The following KANK1 variants were observed in gnomAD, a reference collection of about 807,000 sequenced individuals.
The protein encoded by KANK1 is KN motif and ankyrin repeat domains 1, also known as KN motif and ankyrin repeat domain-containing protein 1.
KANK1 carries 109 observed loss-of-function variants against 106.2 expected under a neutral mutation model. That is an observed-to-expected ratio of 1.03 (90% confidence interval 0.88 to 1.20). The LOEUF (loss-of-function observed/expected upper bound fraction) is 1.20. KANK1 is among the 50% of genes most tolerant of loss of function. KANK1 has a pLI of 0.00. For synonymous variants in KANK1, 873 were observed against 652.2 expected (o/e 1.34, Z -5.16); for missense variants, 2,399 against 1,710.7 (o/e 1.40, Z -7.10).
intron 1 of KANK1, among the ~76,000 whole-genome samples, chr9:563,503 T>C (rs1817020690): frequency 6.6e-6 from 1 of 152,206 alleles, no homozygotes; most frequent in Non-Finnish European, 1.5e-5. Flanking sequence ...TAACTGAAAA[T>C]ATAAGGCTAT....
chr9:510,477 T>C (rs2058981960), intron 1 of KANK1, among the ~76,000 whole-genome samples: 1 of 152,184 alleles, frequency 6.6e-6, no homozygotes, highest in South Asian at 2.1e-4. Flanking sequence ...AAGTCTTTCT[T>C]GTCTAGATGA....
At chr9:653,015 G>T (rs78459406) in intron 1 of KANK1, among the ~76,000 whole-genome samples, 1 of 152,180 alleles carries the variant, frequency 6.6e-6, no homozygotes, top group Non-Finnish European at 1.5e-5. Context: ...AGCTTTCTGC[G>T]CACAGCTGGG....
At chr9:729,903 G>C (rs1831736484) in intron 3 of KANK1, 148 bp from the exon 4 acceptor site, 1 of 664,644 alleles carries the variant, frequency 1.5e-6, no homozygotes, top group African/African-American at 1.8e-5. Context: ...ATGAAATCAG[G>C]AAAGCTGGAG....
Position 712,016 on chromosome 9 carries a change from G to A in KANK1, c.1250G>A (p.Arg417Lys), listed in dbSNP as rs980999444. The change falls in exon 3 of 12, where the codon AGA becomes AAA. Residue 417 changes from arginine to lysine, a missense_variant. By Grantham distance (26) the Arg-to-Lys change is conservative. Coordinates refer to ENST00000382297, the MANE Select transcript of KANK1 (RefSeq NM_015158.5). ...ATGAACGACATCGTCGTGTACCACA[G>A]AGGCTCCAGGTCCTGTAAGGATGCA... ...ENMNDIVVYH[R>K]GSRSCKDAAV... 3.7e-6 allele frequency: 6 copies of A among 1,614,140 alleles called. No individual in the cohort carries two copies. Among genetic ancestry groups the A allele is most frequent in the Non-Finnish European group, 5.1e-6 (6 of 1,180,040 alleles).
chr9:474,256 G>A (rs1369242890), intron 3 of KANK1, among the ~76,000 whole-genome samples: 3 of 152,178 alleles, frequency 2.0e-5, no homozygotes, highest in Non-Finnish European at 4.4e-5. Flanking sequence ...GGAAAATAGT[G>A]ACATTCCCTG....
At chr9:716,378 T>C (rs1288748161) in intron 3 of KANK1, among the ~76,000 whole-genome samples, 1 of 152,228 alleles carries the variant, frequency 6.6e-6, no homozygotes, top group Admixed American at 6.5e-5. Flanking sequence ...AATGTAGATC[T>C]AGAACAAATG....
intron 3 of KANK1, among the ~76,000 whole-genome samples, chr9:720,308 G>T (rs1441975475): frequency 1.3e-5 from 2 of 152,224 alleles, no homozygotes; most frequent in East Asian, 3.8e-4. Flanking sequence ...CAGAGTGCCA[G>T]AATTCTGAAG....
At chr9:639,494 C>G (rs967444529) in intron 1 of KANK1, among the ~76,000 whole-genome samples, 6 of 151,718 alleles carry the variant, frequency 4.0e-5, no homozygotes, top group African/African-American at 7.3e-5. Context: ...TTTTTGTATT[C>G]TTAGTAGAGA....
At chr9:694,218 C>T (rs895847266) in intron 2 of KANK1, among the ~76,000 whole-genome samples, 1 of 152,188 alleles carries the variant, frequency 6.6e-6, no homozygotes, top group South Asian at 2.1e-4. Context: ...TAGCTTTCCA[C>T]TACCACCCCA....
chr9:584,911 G>GT (rs1163927330), intron 1 of KANK1, among the ~76,000 whole-genome samples: 1 of 152,152 alleles, frequency 6.6e-6, no homozygotes, highest in Non-Finnish European at 1.5e-5. Context: ...GCTTGTTTCC[G>GT]TTTGCCTTCC....
chr9:712,421 A>G lies in KANK1; in HGVS notation c.1655A>G (p.Gln552Arg), dbSNP rs144666000. The change falls in exon 3 of 12, where the codon CAG becomes CGG. Residue 552 changes from glutamine to arginine, a missense_variant. Gln to Arg is a conservative substitution (Grantham distance 43). Coordinates refer to ENST00000382297, the MANE Select transcript of KANK1 (RefSeq NM_015158.5). ...VETNSVGISC[Q>R]PECKNKVVGP... ...ACAAACAGTGTAGGCATCTCCTGCC[A>G]GCCTGAATGTAAGAATAAAGTCGTA... The G allele has an allele frequency of 2.7e-5, 43 of 1,614,208 alleles. No individual in the cohort carries two copies. The African/African-American group carries it at 5.6e-4, about 21-fold the overall frequency.
intron 2 of KANK1, among the ~76,000 whole-genome samples, chr9:696,458 G>A (rs1239176352): frequency 6.6e-6 from 1 of 152,182 alleles, no homozygotes; most frequent in African/African-American, 2.4e-5. Context: ...GCAGTTGAGG[G>A]TAAGTAGGGC....
chr9:648,249 G>A (rs1042560552), intron 1 of KANK1, among the ~76,000 whole-genome samples: 2 of 151,886 alleles, frequency 1.3e-5, no homozygotes, highest in African/African-American at 2.4e-5. Flanking sequence ...TGATCCGCCT[G>A]CCCCAGCCTC....
intron 1 of KANK1, among the ~76,000 whole-genome samples, chr9:636,893 C>G (rs982652325): frequency 1.3e-5 from 2 of 152,088 alleles, no homozygotes; most frequent in Non-Finnish European, 1.5e-5. Flanking sequence ...AACAGAAACC[C>G]TTCCTTTAGG....
chr9:589,212 G>A (rs758985246), intron 1 of KANK1, among the ~76,000 whole-genome samples: 6 of 152,086 alleles, frequency 3.9e-5, no homozygotes, highest in Admixed American at 3.9e-4. Context: ...GAGATGGAGC[G>A]GGTATTATTA....
intron 3 of KANK1, among the ~76,000 whole-genome samples, chr9:481,598 C>T (rs1048196161): frequency 6.6e-5 from 10 of 152,118 alleles, no homozygotes; most frequent in African/African-American, 1.4e-4. Flanking sequence ...CAGCCAACAA[C>T]GGCGGGCAAA....
intron 1 of KANK1, among the ~76,000 whole-genome samples, chr9:508,396 C>T (rs1189157576): frequency 6.6e-6 from 1 of 152,174 alleles, no homozygotes; most frequent in Non-Finnish European, 1.5e-5. Context: ...CTTGGCCTCC[C>T]AAAGTGCTGG....
intron 2 of KANK1, among the ~76,000 whole-genome samples, chr9:708,841 A>C (rs1825083565): frequency 6.6e-6 from 1 of 152,218 alleles, no homozygotes; most frequent in African/African-American, 2.4e-5. Flanking sequence ...AAAAATGCGC[A>C]GCTTATTAGC....
At chr9:735,773 C>T (rs1294582445) in intron 7 of KANK1, 1 of 430,046 alleles carries the variant, frequency 2.3e-6, no homozygotes, top group East Asian at 7.2e-5. Flanking sequence ...GCAGGTGGAT[C>T]ACATGAGGTC....
Sources: allele counts gnomAD v4.1 joint callset (sites outside exome capture counted in the v4.1 genomes callset), GRCh38; gene constraint gnomAD v4.1.1; transcripts MANE v1.5; gene names NCBI Gene and HGNC (gene_info 2026-07-23, HGNC 2026-07-21).